ADAMTS6: variants seen among roughly 807,000 people sequenced by gnomAD.
ADAMTS6 encodes ADAM metallopeptidase with thrombospondin type 1 motif 6, also known as A disintegrin and metalloproteinase with thrombospondin motifs 6.
ADAMTS6 carries 23 observed loss-of-function variants against 144.3 expected under a neutral mutation model. That is an observed-to-expected ratio of 0.16 (90% confidence interval 0.11 to 0.23). ADAMTS6 has a LOEUF of 0.23. ADAMTS6 is among the 10% of genes least tolerant of loss of function. The pLI is 1.00. For synonymous variants in ADAMTS6, 444 were observed against 457.5 expected, an observed-to-expected ratio of 0.97 and a Z score of 0.38; for missense variants, 999 against 1,379.6, an observed-to-expected ratio of 0.72 and a Z score of 4.37.
chr5:65,360,511 C>CATAT (rs1265360918), intron 7 of ADAMTS6, among the ~76,000 whole-genome samples: 2 of 151,878 alleles, frequency 1.3e-5, no homozygotes, highest in East Asian at 3.9e-4. Flanking sequence ...CTACACAGTA[C>CATAT]ATATATACTA....
chr5:65,269,079 C>T (rs1437722674), intron 12 of ADAMTS6, among the ~76,000 whole-genome samples: 2 of 152,180 alleles, frequency 1.3e-5, no homozygotes, highest in East Asian at 1.9e-4. Context: ...CGGAGACACA[C>T]AAACTCATGC....
chr5:65,291,233 C>G (rs1008858181), intron 11 of ADAMTS6, 96 bp downstream of exon 11: 4 of 1,414,806 alleles, frequency 2.8e-6, no homozygotes, highest in Admixed American at 2.2e-5. Context: ...AAAGATATTA[C>G]TAGAGGGAAC....
At position 65,433,423 on chromosome 5, in the gene ADAMTS6, G is replaced by A. The variant is rs895876716; in HGVS notation, c.1073+18052C>T. Among the ~76,000 whole-genome samples the A allele has an allele frequency of 1.2e-4, 19 of 152,088 alleles. No homozygotes were observed. The South Asian group carries it at 1.5e-3, about 12-fold the overall frequency. ...GGCAAGAGCAGGATGCAAGGTTTGCGTGACTACAAAATCCACTTATTTTCC... is the reference window on the plus strand; with the variant it reads ...GGCAAGAGCAGGATGCAAGGTTTGCATGACTACAAAATCCACTTATTTTCC... On this transcript the variant is annotated intron_variant, in intron 7 of 24. Coordinates refer to ENST00000381055, the MANE Select transcript of ADAMTS6 (RefSeq NM_197941.4).
In ADAMTS6 at chr5:65,199,797, A is replaced by G. The variant is rs1281434892; in HGVS notation, c.2576-2646T>C. 2.0e-5 allele frequency among the ~76,000 whole-genome samples: 3 copies of G among 152,166 alleles called. No individual in the cohort carries two copies. In the East Asian group the frequency reaches 5.8e-4, roughly 29 times the overall value. ...AGCATTGTGTTTATGAGATATAAAC[A>G]CAGTATCTCTTGGGAGATATTGGGC... On this transcript the variant is annotated intron_variant, in intron 20 of 24. Transcript: ENST00000381055.
chr5:65,363,942 AG>A (rs1750064483), intron 7 of ADAMTS6, among the ~76,000 whole-genome samples: 2 of 152,252 alleles, frequency 1.3e-5, no homozygotes, highest in African/African-American at 4.8e-5. Context: ...AGATAATCCC[AG>A]GATATTTAAT....
intron 24 of ADAMTS6, among the ~76,000 whole-genome samples, chr5:65,169,467 A>T (rs1753455809): frequency 7.4e-6 from 1 of 134,630 alleles, no homozygotes; most frequent in Non-Finnish European, 1.6e-5. Flanking sequence ...CCATTGTGGA[A>T]GTCAGTGTGG....
intron 13 of ADAMTS6, among the ~76,000 whole-genome samples, chr5:65,261,418 C>T (rs1761183790): frequency 6.6e-6 from 1 of 151,846 alleles, no homozygotes; most frequent in African/African-American, 2.4e-5. Context: ...AAAAGAGGTC[C>T]AGTTTTTTCC....
intron 7 of ADAMTS6, among the ~76,000 whole-genome samples, chr5:65,372,300 AC>A (rs1394347138): frequency 2.2e-4 from 34 of 151,836 alleles, no homozygotes; most frequent in African/African-American, 8.3e-4. Context: ...CAATTAAAAG[AC>A]ACAGACTGGC....
At chr5:65,338,953 T>C (rs1747571642) in intron 7 of ADAMTS6, among the ~76,000 whole-genome samples, 1 of 148,930 alleles carries the variant, frequency 6.7e-6, no homozygotes, top group African/African-American at 2.5e-5. Context: ...CACATCCCCA[T>C]GCCAGCCAAG....
At chr5:65,186,192 C>G (rs1170107382) in intron 22 of ADAMTS6, among the ~76,000 whole-genome samples, 1 of 152,094 alleles carries the variant, frequency 6.6e-6, no homozygotes, top group African/African-American at 2.4e-5. Flanking sequence ...TTCCCTACTC[C>G]CAACTCTATA....
intron 4 of ADAMTS6, among the ~76,000 whole-genome samples, chr5:65,457,745 C>CTTTTTTTTTTTTTT: frequency 1.0e-5 from 1 of 97,438 alleles, no homozygotes; most frequent in Non-Finnish European, 2.1e-5. Context: ...TTCTTTCTTT[C>CTTTTTTTTTTTTTT]TTTTTTTTTT....
chr5:65,467,713 C>T (rs1340944176), intron 3 of ADAMTS6, among the ~76,000 whole-genome samples: 3 of 152,144 alleles, frequency 2.0e-5, no homozygotes, highest in African/African-American at 7.2e-5. Context: ...CATAAGGTCC[C>T]TTTCAAATAG....
Position 65,348,784 on chromosome 5 carries a change from TA to T in ADAMTS6, c.1074-14700del, listed in dbSNP as rs777986911. On this transcript the variant is annotated intron_variant, in intron 7 of 24. Coordinates refer to ENST00000381055, the MANE Select transcript of ADAMTS6 (RefSeq NM_197941.4). ...ATAAATATATACAATTATTGCCCAT[TA>T]AAAAAATTTTATAACTTGTCAATAT... Among the ~76,000 whole-genome samples the T allele has an allele frequency of 3.9e-5, 6 of 152,060 alleles. No individual in the cohort carries two copies. In the East Asian group the frequency reaches 7.7e-4, roughly 20 times the overall value.
chr5:65,233,220 C>G lies in ADAMTS6; in HGVS notation c.1934-7001G>C, dbSNP rs998927322. Among the ~76,000 whole-genome samples, 4 of 152,068 alleles carry G rather than the reference C, an allele frequency of 2.6e-5. No individual in the cohort carries two copies. In the South Asian group the frequency reaches 8.3e-4, roughly 32 times the overall value. ...ATAAATGTCCCATACAACAAGCCCA[C>G]AGCTAACATCATACTCAGTGATGAA... On this transcript the variant is annotated intron_variant, in intron 15 of 24. Transcript: ENST00000381055.
intron 11 of ADAMTS6, among the ~76,000 whole-genome samples, chr5:65,287,935 T>C (rs552011643): frequency 6.6e-6 from 1 of 152,354 alleles, no homozygotes; most frequent in East Asian, 1.9e-4. Context: ...ATTATACAAC[T>C]ATATTACTCT....
chr5:65,399,729 A>T (rs190808031), intron 7 of ADAMTS6, among the ~76,000 whole-genome samples: 1 of 152,182 alleles, frequency 6.6e-6, no homozygotes, highest in South Asian at 2.1e-4. Context: ...AGATACATAC[A>T]TATGATACAT....
In ADAMTS6 at chr5:65,468,936, A is replaced by G. The variant is rs367940352; in HGVS notation, c.462+1842T>C. Among the ~76,000 whole-genome samples, 7 of 152,102 alleles carry G rather than the reference A, an allele frequency of 4.6e-5. No homozygotes were observed. The East Asian group carries it at 5.8e-4, about 13-fold the overall frequency. ...ACCTTTATTTATTCAGATTCCTCAC[A>G]TTTGCTATATCAAAGGCATGCTCTT... On this transcript the variant is annotated intron_variant, in intron 3 of 24. Transcript: ENST00000381055.
chr5:65,154,878 G>A (rs1295557446), intron 24 of ADAMTS6, among the ~76,000 whole-genome samples: 1 of 152,262 alleles, frequency 6.6e-6, no homozygotes, highest in Admixed American at 6.5e-5. Flanking sequence ...ACACATTTAC[G>A]CATTTAAGCA....
chr5:65,210,879 T>C (rs561333996), intron 20 of ADAMTS6: 1 of 313,524 alleles, frequency 3.2e-6, no homozygotes, highest in Non-Finnish European at 6.1e-6. Context: ...ATCCAGTCTA[T>C]GAGAAGCCCA....
Sources: allele counts gnomAD v4.1 joint callset (sites outside exome capture counted in the v4.1 genomes callset), GRCh38; gene constraint gnomAD v4.1.1; transcripts MANE v1.5; gene names NCBI Gene and HGNC (gene_info 2026-07-23, HGNC 2026-07-21).